The following ATP13A3 variants were observed in gnomAD, a reference collection of about 807,000 sequenced individuals.
ATP13A3 encodes ATPase 13A3, also known as polyamine-transporting ATPase 13A3.
Under a neutral mutation model 158.1 loss-of-function variants are expected in ATP13A3, and 59 were observed. That is an observed-to-expected ratio of 0.37 (90% CI 0.30 to 0.46). The LOEUF (loss-of-function observed/expected upper bound fraction) is 0.46, where lower values mean the gene tolerates loss of function less well. Among genes scored for constraint, ATP13A3 ranks in the 20% least tolerant of loss-of-function variants. The pLI is 1.00. For missense variants in ATP13A3, 1,166 were observed against 1,525.2 expected (o/e 0.76, Z 3.92); for synonymous variants, 491 against 504.3 (o/e 0.97, Z 0.35).
chr3:194,431,664 A>T, intron 22 of ATP13A3, 53 bp downstream of exon 22: 2 of 1,423,378 alleles, frequency 1.4e-6, no homozygotes, highest in South Asian at 1.7e-5. Flanking sequence ...TTATTTTTTC[A>T]GACTAAATTT....
Position 194,414,459 on chromosome 3 carries a change from TAA to T in ATP13A3, c.3403-622_3403-621del, listed in dbSNP as rs35965987. ...GCGTGGGTGACAGAAGAACCTGCCT[TAA>T]AAAAAAAAAAAAAGAGGTACCAATC... On this transcript the variant is annotated intron_variant, in intron 31 of 33. Transcript: ENST00000645319. Among the ~76,000 whole-genome samples the T allele has an allele frequency of 5.9e-3, 798 of 134,226 alleles. 7 individuals are homozygous for T. Among genetic ancestry groups the T allele is most frequent in the African/African-American group, 0.019 (701 of 36,098 alleles). The allele number at this position is 134,226 out of a possible 152,430, so 88.1% of individuals were successfully genotyped here.
chr3:194,427,116 G>C lies in ATP13A3; in HGVS notation c.3084C>G (p.Val1028=). ...ACACTTCATACCAAGGTTGCTGTTT[G>C]ACCCAAAAAAAACCCAAAGATTGAA... ...IGFQSLGFFW[V]KQQPWYEVWH... Residue 1028 remains valine (V), a synonymous_variant, in exon 29 of 34, where the codon GTC becomes GTG. Coordinates refer to ENST00000645319, the MANE Select transcript of ATP13A3 (RefSeq NM_001367549.1). The C allele has an allele frequency of 6.2e-7, 1 of 1,613,204 alleles. No individual in the cohort carries two copies. The highest frequency in any genetic ancestry group is 8.5e-7 in the Non-Finnish European group (1 of 1,179,852).
chr3:194,481,714 G>C (rs1339517668), intron 2 of ATP13A3, among the ~76,000 whole-genome samples: 1 of 152,138 alleles, frequency 6.6e-6, no homozygotes, highest in African/African-American at 2.4e-5. Flanking sequence ...TCAAACTTGA[G>C]AAAGATTCTG....
At position 194,446,912 on chromosome 3, in the gene ATP13A3, T is replaced by C; in HGVS notation, c.1497+15A>G. 25 of 1,578,246 alleles carry C rather than the reference T, an allele frequency of 1.6e-5. No homozygotes were observed. The highest frequency in any genetic ancestry group is 2.1e-5 in the Non-Finnish European group (24 of 1,165,888). ...ACGAAGTAACCTTTGAAAGTAACTATGAAACTGAACCCACCTTGTCAAAGC... is the reference window on the plus strand; with the variant it reads ...ACGAAGTAACCTTTGAAAGTAACTACGAAACTGAACCCACCTTGTCAAAGC... On this transcript the variant is annotated intron_variant, in intron 14 of 33. Coordinates refer to ENST00000645319, the MANE Select transcript of ATP13A3 (RefSeq NM_001367549.1).
Position 194,405,801 on chromosome 3 carries a change from C to G in ATP13A3, c.*118G>C. 9.8e-7 allele frequency: 1 copy of G among 1,024,880 alleles called. No homozygotes were observed. Among genetic ancestry groups the G allele is most frequent in the Non-Finnish European group, 1.5e-6 (1 of 686,596 alleles). 63.5% of individuals were successfully genotyped at this position (1,024,880 alleles called of 1,614,324 possible). On this transcript the variant is annotated 3_prime_UTR_variant, in exon 34 of 34. Coordinates refer to ENST00000645319, the MANE Select transcript of ATP13A3 (RefSeq NM_001367549.1). ...AAGAGCAAAGCTGTCAAATAAGCTA[C>G]TATATCAGAAGGGACATAAACTGAA...
In ATP13A3 at chr3:194,486,743, G is replaced by T. The variant is rs1323392081; in HGVS notation, c.-266C>A. 6.6e-6 allele frequency: 1 copy of T among 150,556 alleles called. No individual in the cohort carries two copies. Among genetic ancestry groups the T allele is most frequent in the African/African-American group, 2.4e-5 (1 of 41,198 alleles). 9.3% of individuals were successfully genotyped at this position (150,556 alleles called of 1,614,324 possible). A position where few individuals can be genotyped will look rare whatever the true frequency, so the allele number is the denominator to read the frequency against. ...CTGCGGCTCAGGGTGAGGGAAGGAG[G>T]CGCCGCGGCGGGGCCGGGCCGGCCC... On this transcript the variant is annotated 5_prime_UTR_variant, in exon 1 of 34. Transcript: ENST00000645319.
chr3:194,412,179 A>G lies in ATP13A3; in HGVS notation c.3573+20T>C. 6.5e-7 allele frequency: 1 copy of G among 1,528,740 alleles called. No individual in the cohort carries two copies. The highest frequency in any genetic ancestry group is 1.2e-5 in the South Asian group (1 of 83,910). The allele number at this position is 1,528,740 out of a possible 1,614,324, so 94.7% of individuals were successfully genotyped here. On this transcript the variant is annotated intron_variant, in intron 33 of 33. Coordinates refer to ENST00000645319, the MANE Select transcript of ATP13A3 (RefSeq NM_001367549.1). Reference sequence around the variant, plus strand: ...GCCTAGAGAGGCAGCAAGAATTGACAGGAAGTGCTGAGTTCCAACCTGCGG... The same window carrying G: ...GCCTAGAGAGGCAGCAAGAATTGACGGGAAGTGCTGAGTTCCAACCTGCGG...
intron 33 of ATP13A3, among the ~76,000 whole-genome samples, chr3:194,406,333 G>A (rs534078898): frequency 6.6e-6 from 1 of 152,148 alleles, no homozygotes; most frequent in South Asian, 2.1e-4. Context: ...GGGAGGTCGA[G>A]GTGGGAGGAC....
intron 2 of ATP13A3, among the ~76,000 whole-genome samples, chr3:194,481,344 C>G (rs1486043080): frequency 1.3e-5 from 2 of 151,674 alleles, no homozygotes; most frequent in African/African-American, 4.8e-5. Context: ...AGAAGTCTGT[C>G]AAGCAAGCAA....
intron 2 of ATP13A3, among the ~76,000 whole-genome samples, chr3:194,480,013 A>G (rs1029633469): frequency 6.6e-6 from 1 of 152,232 alleles, no homozygotes; most frequent in Non-Finnish European, 1.5e-5. Flanking sequence ...TGAATATAAC[A>G]TTATTGCCTG....
chr3:194,436,594 A>AT (rs1329010724), intron 20 of ATP13A3, among the ~76,000 whole-genome samples: 4 of 152,282 alleles, frequency 2.6e-5, no homozygotes, highest in African/African-American at 9.6e-5. Context: ...TTACAATAAC[A>AT]TAAGGAAACA....
intron 2 of ATP13A3, among the ~76,000 whole-genome samples, chr3:194,482,875 A>T (rs1720808004): frequency 6.6e-6 from 1 of 152,158 alleles, no homozygotes; most frequent in Non-Finnish European, 1.5e-5. Flanking sequence ...TGGAAGGCCG[A>T]GGCAGGCGGA....
At chr3:194,410,331 A>AAAAAAAAAAAAAAAAAAAAAAAAAC (rs869283016) in intron 33 of ATP13A3, among the ~76,000 whole-genome samples, 4 of 132,940 alleles carry the variant, frequency 3.0e-5, no homozygotes, top group Admixed American at 7.7e-5. Flanking sequence ...AAAAAAAAAA[A>AAAAAAAAAAAAAAAAAAAAAAAAAC]CTGCTGGGCC....
chr3:194,470,744 T>C (rs925981506), intron 2 of ATP13A3, among the ~76,000 whole-genome samples: 9 of 152,228 alleles, frequency 5.9e-5, no homozygotes, highest in Middle Eastern at 3.2e-3. Flanking sequence ...AGTATGTAAC[T>C]TTTTAAAATT....
intron 2 of ATP13A3, among the ~76,000 whole-genome samples, chr3:194,476,566 A>G (rs773374192): frequency 5.3e-5 from 8 of 151,812 alleles, no homozygotes; most frequent in Non-Finnish European, 8.8e-5. Flanking sequence ...TCTTTTGACT[A>G]CCCTTCTCAA....
intron 6 of ATP13A3, 148 bp downstream of exon 6, chr3:194,459,323 A>G (rs1666675734): frequency 3.1e-6 from 2 of 640,244 alleles, no homozygotes; most frequent in African/African-American, 1.9e-5. Context: ...GAGCCTTCAA[A>G]CAGCAACAGG....
chr3:194,464,443 A>G (rs1324045260), intron 2 of ATP13A3, among the ~76,000 whole-genome samples: 2 of 152,180 alleles, frequency 1.3e-5, no homozygotes, highest in Non-Finnish European at 2.9e-5. Context: ...ATATTACCAG[A>G]GTTATTCCAC....
At chr3:194,462,053 G>T in intron 3 of ATP13A3, 87 bp downstream of exon 3, 1 of 1,330,876 alleles carries the variant, frequency 7.5e-7, no homozygotes, top group Non-Finnish European at 1.1e-6. Context: ...CGCCACTGTT[G>T]TTAATTGCAT....
intron 33 of ATP13A3, among the ~76,000 whole-genome samples, chr3:194,406,923 T>G (rs150769395): frequency 1.3e-5 from 2 of 152,234 alleles, no homozygotes; most frequent in African/African-American, 4.8e-5. Flanking sequence ...ATAAAACAAG[T>G]ACTATTGCTT....
Sources: gnomAD v4.1 joint callset for allele counts (sites outside exome capture counted in the v4.1 genomes callset) on GRCh38, gnomAD v4.1.1 for gene constraint, MANE v1.5 for transcripts, NCBI Gene and HGNC (gene_info 2026-07-23, HGNC 2026-07-21) for gene names.